TMEM94: variants seen among roughly 807,000 people sequenced by gnomAD.
The protein encoded by TMEM94 is transmembrane protein 94.
In TMEM94, 81 loss-of-function variants were observed where a neutral mutation model predicts 158.6. The ratio of observed to expected loss-of-function variants is 0.51; its 90% CI spans 0.43 to 0.61. TMEM94 has a LOEUF of 0.61. TMEM94 is among the 20% of genes least tolerant of loss of function. The pLI is 0.00. For synonymous variants in TMEM94, 751 were observed against 730.7 expected (o/e 1.03, Z -0.45); for missense variants, 1,435 against 1,762.0 (o/e 0.81, Z 3.32).
chr17:75,486,339 C>G lies in TMEM94; in HGVS notation c.322C>G (p.Leu108Val). 6.2e-7 allele frequency: 1 copy of G among 1,614,214 alleles called. No individual in the cohort carries two copies. The highest frequency in any genetic ancestry group is 2.2e-5 in the East Asian group (1 of 44,882). The change falls in exon 5 of 32, where the codon CTC becomes GTC. Residue 108 changes from leucine to valine, a missense_variant. By Grantham distance (32) the Leu-to-Val change is conservative. This residue lies in a region of TMEM94 where 1,051 missense variants were observed against 1,254.4 expected (regional missense o/e 0.84). Coordinates refer to ENST00000314256, the MANE Select transcript of TMEM94 (RefSeq NM_014738.6). ...NASALFLLLL[L>V]NLVLIGRQDR... ...CTCGGCCTTGTTCCTGTTACTGCTT[C>G]TCAACCTTGTGCTCATCGGGCGGCA...
chr17:75,462,120 C>T (rs2050100913), intron 1 of TMEM94, among the ~76,000 whole-genome samples: 2 of 145,592 alleles, frequency 1.4e-5, no homozygotes, highest in South Asian at 4.6e-4. Context: ...AAGTGATTCT[C>T]CTGCCTCAGT....
intron 2 of TMEM94, chr17:75,476,443 A>C: frequency 1.6e-6 from 2 of 1,286,362 alleles, no homozygotes; most frequent in Non-Finnish European, 2.0e-6. Flanking sequence ...CCGCCCTTCC[A>C]GGGCTGCTGC....
Position 75,488,760 on chromosome 17 carries a change from A to G in TMEM94, c.614A>G (p.Asp205Gly). ...ESFASLRGIKDDEHIVLEPGD... is the reference protein window; with the variant it reads ...ESFASLRGIKGDEHIVLEPGD... Reference sequence around the variant, plus strand: ...CACTCTCCCACTTGCTGCCGGCAGGATGACGAGCACATCGTCCTGGAGCCG... The same window carrying G: ...CACTCTCCCACTTGCTGCCGGCAGGGTGACGAGCACATCGTCCTGGAGCCG... Residue 205 changes from aspartate to glycine, a missense_variant and splice_region_variant, in exon 7 of 32, where the codon GAT becomes GGT. Physicochemically the swap from Asp to Gly is moderately conservative, Grantham distance 94. This residue lies in a region of TMEM94 where 1,051 missense variants were observed against 1,254.4 expected (regional missense o/e 0.84). Coordinates refer to ENST00000314256, the MANE Select transcript of TMEM94 (RefSeq NM_014738.6). 6.2e-7 allele frequency: 1 copy of G among 1,613,824 alleles called. No individual in the cohort carries two copies. Among genetic ancestry groups the G allele is most frequent in the Non-Finnish European group, 8.5e-7 (1 of 1,179,910 alleles).
chr17:75,469,650 C>G (rs2050427062), intron 1 of TMEM94, among the ~76,000 whole-genome samples: 1 of 150,214 alleles, frequency 6.7e-6, no homozygotes, highest in Admixed American at 6.7e-5. Context: ...CGGCCTTAAC[C>G]CTAAATTTTT....
chr17:75,489,177 G>T lies in TMEM94; in HGVS notation c.765-89G>T. On this transcript the variant is annotated intron_variant, in intron 7 of 31. Coordinates refer to ENST00000314256, the MANE Select transcript of TMEM94 (RefSeq NM_014738.6). The surrounding 1 kb of genome is among the most constrained non-coding windows in gnomAD (Gnocchi z 5.0). Reference sequence around the variant, plus strand: ...CAGGACTCACGGTGCTTGAAGAAGCGGTATCTGGCAGAGAGGCCCAGAATC... The same window carrying T: ...CAGGACTCACGGTGCTTGAAGAAGCTGTATCTGGCAGAGAGGCCCAGAATC... 7.9e-7 allele frequency: 1 copy of T among 1,264,508 alleles called. No homozygotes were observed. Among genetic ancestry groups the T allele is most frequent in the Non-Finnish European group, 1.1e-6 (1 of 875,192 alleles). The allele number at this position is 1,264,508 out of a possible 1,614,324, so 78.3% of individuals were successfully genotyped here. A position where few individuals can be genotyped will look rare whatever the true frequency, so the allele number is the denominator to read the frequency against.
intron 1 of TMEM94, among the ~76,000 whole-genome samples, chr17:75,469,372 G>A (rs1323161755): frequency 7.0e-6 from 1 of 143,132 alleles, no homozygotes; most frequent in African/African-American, 2.6e-5. Context: ...TTGAGACCGA[G>A]TCTCACTTTG....
In TMEM94 at chr17:75,488,838, A is replaced by T. The variant is rs1188286335; in HGVS notation, c.692A>T (p.Glu231Val). 6.2e-7 allele frequency: 1 copy of T among 1,612,520 alleles called. No homozygotes were observed. The highest frequency in any genetic ancestry group is 1.7e-5 in the Admixed American group (1 of 59,822). ...CCACCCTCACCCCGGGGAGAAGTGG[A>T]GAGAGGGCCACAGAGCCCCCAGCAG... ...SPPPSPRGEVERGPQSPQQHR... is the reference protein window; with the variant it reads ...SPPPSPRGEVVRGPQSPQQHR... Residue 231 changes from glutamate to valine, a missense_variant, in exon 7 of 32, where the codon GAG becomes GTG. Glu to Val is a moderately radical substitution (Grantham distance 121). This residue lies in a region of TMEM94 where 1,051 missense variants were observed against 1,254.4 expected (regional missense o/e 0.84). Transcript: ENST00000314256.
At chr17:75,473,271 A>G (rs2050563206) in intron 2 of TMEM94, among the ~76,000 whole-genome samples, 1 of 152,190 alleles carries the variant, frequency 6.6e-6, no homozygotes, top group African/African-American at 2.4e-5. Context: ...CCTCCTGTTC[A>G]TAGCCACCTC....
At chr17:75,484,287 C>T (rs1375834316) in intron 2 of TMEM94, among the ~76,000 whole-genome samples, 1 of 151,926 alleles carries the variant, frequency 6.6e-6, no homozygotes. Flanking sequence ...CTCCCTGCCC[C>T]TTTCTTCCGT....
Position 75,492,057 on chromosome 17 carries a change from C to A in TMEM94, c.1596+157C>A. On this transcript the variant is annotated intron_variant, in intron 14 of 31. Transcript: ENST00000314256. This position sits in a 1 kb window ranked among gnomAD's most constrained non-coding sequence, Gnocchi z 4.4. ...GGCCAGTGGTCCCTGAGGCCCTCCC[C>A]AAGTCTGCTGCGAAGTAGGTGGAGC... The A allele has an allele frequency of 2.4e-6, 2 of 834,400 alleles. No homozygotes were observed. Among genetic ancestry groups the A allele is most frequent in the Non-Finnish European group, 1.9e-6 (1 of 539,458 alleles). 51.7% of individuals were successfully genotyped at this position (834,400 alleles called of 1,614,324 possible). A position where few individuals can be genotyped will look rare whatever the true frequency, so the allele number is the denominator to read the frequency against.
chr17:75,487,649 C>T lies in TMEM94; in HGVS notation c.410-283C>T, dbSNP rs555820381. Among the ~76,000 whole-genome samples the T allele has an allele frequency of 1.3e-5, 2 of 152,322 alleles. No individual in the cohort carries two copies. The highest frequency in any genetic ancestry group is 3.4e-3 in the Middle Eastern group (1 of 294). On this transcript the variant is annotated intron_variant, in intron 5 of 31. Transcript: ENST00000314256. This position sits in a 1 kb window ranked among gnomAD's most constrained non-coding sequence, Gnocchi z 4.6. ...CTCCACCTTGCACCCCTCACAGGCC[C>T]TCTGCAATGTTTGTGAAGTGTATCT...
intron 26 of TMEM94, 28 bp downstream of exon 26, chr17:75,497,226 C>T (rs370642998): frequency 3.3e-5 from 52 of 1,582,590 alleles, no homozygotes; most frequent in Non-Finnish European, 4.2e-5. Context: ...TTCCCCACAC[C>T]CCATGCCTAA....
chr17:75,475,109 G>A (rs987590966), intron 2 of TMEM94, among the ~76,000 whole-genome samples: 2 of 152,196 alleles, frequency 1.3e-5, no homozygotes, highest in Admixed American at 6.5e-5. Context: ...AGGAGAGAGG[G>A]GACAGGAGTC....
Position 75,491,536 on chromosome 17 carries a change from T to TGA in TMEM94, c.1386+83_1386+84dup. The TGA allele has an allele frequency of 1.2e-6, 2 of 1,602,806 alleles. No homozygotes were observed. Among genetic ancestry groups the TGA allele is most frequent in the Non-Finnish European group, 1.7e-6 (2 of 1,172,520 alleles). On this transcript the variant is annotated intron_variant, in intron 13 of 31. Transcript: ENST00000314256. This position sits in a 1 kb window ranked among gnomAD's most constrained non-coding sequence, Gnocchi z 5.1. ...AGCCTTGGAGCCTGGCCAGGGAGGGTGAGGTTTCGGAGGGCGAAGGAGGGT... is the reference window on the plus strand; with the variant it reads ...AGCCTTGGAGCCTGGCCAGGGAGGGTGAGAGGTTTCGGAGGGCGAAGGAGGGT...
intron 1 of TMEM94, among the ~76,000 whole-genome samples, chr17:75,465,562 C>CT (rs1368833471): frequency 1.3e-5 from 2 of 151,024 alleles, no homozygotes; most frequent in African/African-American, 4.9e-5. Flanking sequence ...TCCCAAGTAG[C>CT]TAAGACTGCA....
chr17:75,481,863 G>GAA (rs2051187781), intron 2 of TMEM94, among the ~76,000 whole-genome samples: 1 of 152,210 alleles, frequency 6.6e-6, no homozygotes, highest in African/African-American at 2.4e-5. Context: ...GGTGGTCCTG[G>GAA]AAAGACTCAC....
In TMEM94 at chr17:75,492,841, G is replaced by A; in HGVS notation, c.1912+52G>A. 2 of 1,583,658 alleles carry A rather than the reference G, an allele frequency of 1.3e-6. No individual in the cohort carries two copies. Among genetic ancestry groups the A allele is most frequent in the Non-Finnish European group, 1.7e-6 (2 of 1,164,582 alleles). ...CTGGCTGGACCCGCCTCCTAGAAGA[G>A]GCCCAGTACCAACTCCTCACGGGAC... On this transcript the variant is annotated intron_variant, in intron 15 of 31. Transcript: ENST00000314256. This position sits in a 1 kb window ranked among gnomAD's most constrained non-coding sequence, Gnocchi z 4.4.
chr17:75,499,512 G>A lies in TMEM94; in HGVS notation c.*178G>A, dbSNP rs896616734. The A allele has an allele frequency of 3.1e-6, 2 of 635,680 alleles. No homozygotes were observed. Among genetic ancestry groups the A allele is most frequent in the African/African-American group, 3.7e-5 (2 of 54,448 alleles). 39.4% of individuals were successfully genotyped at this position (635,680 alleles called of 1,614,324 possible). Reference sequence around the variant, plus strand: ...TTCCTGAGCCCTGGGGCTCACTGTGGAGGAGCTGACGGCCTGGGCCCTTGG... The same window carrying A: ...TTCCTGAGCCCTGGGGCTCACTGTGAAGGAGCTGACGGCCTGGGCCCTTGG... On this transcript the variant is annotated 3_prime_UTR_variant, in exon 32 of 32. Coordinates refer to ENST00000314256, the MANE Select transcript of TMEM94 (RefSeq NM_014738.6).
intron 2 of TMEM94, among the ~76,000 whole-genome samples, chr17:75,476,122 A>G (rs2050679111): frequency 6.6e-6 from 1 of 152,098 alleles, no homozygotes; most frequent in Admixed American, 6.5e-5. Flanking sequence ...CTTCTCATGG[A>G]TGATGGGCTC....
Sources: allele counts gnomAD v4.1 joint callset (sites outside exome capture counted in the v4.1 genomes callset), GRCh38; gene constraint gnomAD v4.1.1; regional missense constraint gnomAD v4.1.1; non-coding constraint Gnocchi (gnomAD v3.1); transcripts MANE v1.5; gene names NCBI Gene and HGNC (gene_info 2026-07-23, HGNC 2026-07-21).